Variants in DPP6 observed in about 807,000 individuals in gnomAD.
DPP6 encodes A-type potassium channel modulatory protein DPP6.
Under a neutral mutation model 122.6 loss-of-function variants are expected in DPP6, and 69 were observed. The ratio of observed to expected loss-of-function variants is 0.56; its 90% CI spans 0.46 to 0.69. The LOEUF (loss-of-function observed/expected upper bound fraction) is 0.69. DPP6 is among the 30% of genes least tolerant of loss of function. The pLI is 0.00. For missense variants in DPP6, 928 were observed against 1,116.9 expected (o/e 0.83, Z 2.41); for synonymous variants, 418 against 433.1 (o/e 0.97, Z 0.43).
chr7:154,654,195 G>C (rs1480922326), intron 6 of DPP6, among the ~76,000 whole-genome samples: 1 of 151,952 alleles, frequency 6.6e-6, no homozygotes, highest in Non-Finnish European at 1.5e-5. Flanking sequence ...GAGCATCTGT[G>C]GATTTTGGTA....
chr7:153,928,921 GTC>G (rs1330125984), intron 1 of DPP6, among the ~76,000 whole-genome samples: 1 of 152,146 alleles, frequency 6.6e-6, no homozygotes, highest in African/African-American at 2.4e-5. Flanking sequence ...TGGACGGGAA[GTC>G]TCCCCGCACG....
intron 1 of DPP6, among the ~76,000 whole-genome samples, chr7:154,116,158 C>T: frequency 6.6e-6 from 1 of 151,660 alleles, no homozygotes; most frequent in Non-Finnish European, 1.5e-5. Context: ...TTGAATAGAT[C>T]ATAAAATTAA....
chr7:153,951,733 C>G lies in DPP6; in HGVS notation c.51+63999C>G, dbSNP rs186384994. Among the ~76,000 whole-genome samples the G allele has an allele frequency of 1.4e-4, 22 of 152,300 alleles. No homozygotes were observed. In the East Asian group the frequency reaches 3.9e-3, roughly 27 times the overall value. Reference sequence around the variant, plus strand: ...CCTTGCTTTCTTCCCCCACTCCTTGCCTTGGAACATGATAATCAAGAAAAA... The same window carrying G: ...CCTTGCTTTCTTCCCCCACTCCTTGGCTTGGAACATGATAATCAAGAAAAA... On this transcript the variant is annotated intron_variant, in intron 1 of 25. Transcript: ENST00000404039.
rs185574286 is a variant in DPP6 at position 154,579,033 on chromosome 7, C to G, written c.627+12117C>G. Among the ~76,000 whole-genome samples the G allele has an allele frequency of 2.4e-4, 36 of 152,218 alleles. No individual in the cohort carries two copies. In the East Asian group the frequency reaches 4.3e-3, roughly 18 times the overall value. On this transcript the variant is annotated intron_variant, in intron 5 of 25. Coordinates refer to ENST00000377770, the MANE Select transcript of DPP6 (RefSeq NM_130797.4). ...AGAGGCTCTGAATTCTTTCTGGCTG[C>G]CAGAGATAACCAATTATACAAAGAA... is the stretch of plus-strand genomic sequence containing the variant.
At chr7:154,629,417 C>T (rs1180832997) in intron 5 of DPP6, among the ~76,000 whole-genome samples, 5 of 151,872 alleles carry the variant, frequency 3.3e-5, no homozygotes, top group African/African-American at 9.7e-5. Context: ...TCTTTTTTAC[C>T]ACCCAGTCTC....
chr7:154,277,501 C>T (rs190773575), intron 1 of DPP6, among the ~76,000 whole-genome samples: 9 of 152,336 alleles, frequency 5.9e-5, no homozygotes, highest in South Asian at 4.1e-4. Context: ...TGGAGGCTCA[C>T]GCCTGTAATC....
At chr7:154,134,216 C>G (rs1301791121) in intron 1 of DPP6, among the ~76,000 whole-genome samples, 1 of 152,166 alleles carries the variant, frequency 6.6e-6, no homozygotes, top group South Asian at 2.1e-4. Flanking sequence ...TGTTTGTCTA[C>G]TTTTTCCCAT....
intron 1 of DPP6, among the ~76,000 whole-genome samples, chr7:154,167,076 C>G (rs1797292197): frequency 6.6e-6 from 1 of 150,772 alleles, no homozygotes; most frequent in Non-Finnish European, 1.5e-5. Flanking sequence ...ACCCCCACAA[C>G]TGTCTACAAT....
intron 1 of DPP6, among the ~76,000 whole-genome samples, chr7:154,108,506 C>T (rs1459127765): frequency 2.0e-5 from 3 of 152,118 alleles, no homozygotes; most frequent in African/African-American, 7.2e-5. Flanking sequence ...TCCTGCATCC[C>T]TAACACTGGG....
chr7:154,673,770 T>A (rs1301459352), intron 7 of DPP6, among the ~76,000 whole-genome samples: 1 of 152,252 alleles, frequency 6.6e-6, no homozygotes, highest in Non-Finnish European at 1.5e-5. Flanking sequence ...TCGGGAAACA[T>A]AAACGTTCAA....
chr7:153,879,008 A>G, the DPP6 span, among the ~76,000 whole-genome samples: 2 of 152,158 alleles, frequency 1.3e-5, no homozygotes, highest in African/African-American at 4.8e-5. Flanking sequence ...AAAAGAAAAA[A>G]AATGAAGCTG....
At chr7:153,971,218 AACTT>A (rs1373429269) in intron 1 of DPP6, among the ~76,000 whole-genome samples, 1 of 152,130 alleles carries the variant, frequency 6.6e-6, no homozygotes, top group South Asian at 2.1e-4. Context: ...ATGAATTTTT[AACTT>A]ACTATTTCCA....
chr7:154,487,868 C>T (rs1292307624), intron 3 of DPP6, among the ~76,000 whole-genome samples: 1 of 152,162 alleles, frequency 6.6e-6, no homozygotes, highest in Non-Finnish European at 1.5e-5. Flanking sequence ...TCTTCGGTAA[C>T]TGAGCACCGT....
chr7:154,742,531 T>C (rs933664519), intron 8 of DPP6, among the ~76,000 whole-genome samples: 4 of 152,222 alleles, frequency 2.6e-5, no homozygotes, highest in Admixed American at 1.3e-4. Context: ...GACCAGATCA[T>C]AGCTCCCAAT....
At chr7:154,313,412 T>C (rs1382891250) in intron 1 of DPP6, among the ~76,000 whole-genome samples, 1 of 151,868 alleles carries the variant, frequency 6.6e-6, no homozygotes, top group Non-Finnish European at 1.5e-5. Flanking sequence ...AAAACAGCAA[T>C]GGGCTTGTAA....
intron 7 of DPP6, among the ~76,000 whole-genome samples, chr7:154,707,999 G>C (rs531150316): frequency 3.9e-4 from 59 of 152,288 alleles, no homozygotes; most frequent in African/African-American, 1.3e-3. Context: ...TATAACAAAA[G>C]GTTGTGTATT....
intron 1 of DPP6, among the ~76,000 whole-genome samples, chr7:154,167,644 G>A (rs997942036): frequency 6.6e-6 from 1 of 152,180 alleles, no homozygotes. Flanking sequence ...ACCTGCAGGG[G>A]GTTAGGTAGC....
At chr7:153,808,531 G>T in the DPP6 span, among the ~76,000 whole-genome samples, 1 of 152,004 alleles carries the variant, frequency 6.6e-6, no homozygotes, top group African/African-American at 2.4e-5. Flanking sequence ...CATTAGATCT[G>T]CAGAGCTTAT....
intron 7 of DPP6, among the ~76,000 whole-genome samples, chr7:154,716,776 CATA>C (rs978764581): frequency 2.0e-5 from 3 of 146,612 alleles, no homozygotes; most frequent in African/African-American, 8.3e-5. Flanking sequence ...TTAGATTACA[CATA>C]ATAATTGTAC....
Sources: gnomAD v4.1 joint callset for allele counts (sites outside exome capture counted in the v4.1 genomes callset) on GRCh38, gnomAD v4.1.1 for gene constraint, MANE v1.5 for transcripts, NCBI Gene and HGNC (gene_info 2026-07-23, HGNC 2026-07-21) for gene names.